Variants in GHR observed in about 807,000 individuals in gnomAD.
The protein encoded by GHR is growth hormone receptor.
Under a neutral mutation model 67.1 loss-of-function variants are expected in GHR, and 35 were observed. The ratio of observed to expected loss-of-function variants is 0.52; its 90% CI spans 0.40 to 0.69. The LOEUF is 0.69. GHR is among the 30% of genes least tolerant of loss of function. The pLI is 0.00. For missense variants in GHR, 792 were observed against 764.6 expected (o/e 1.04, Z -0.42); for synonymous variants, 272 against 269.1 (o/e 1.01, Z -0.10).
chr5:42,691,606 C>A lies in GHR; in HGVS notation c.266+2587C>A, dbSNP rs560961184. Among the ~76,000 whole-genome samples the A allele has an allele frequency of 1.1e-3, 161 of 152,314 alleles. 1 individual carries two copies. The highest frequency in any genetic ancestry group is 3.6e-3 in the African/African-American group (151 of 41,574). ...AATAAAACTCTGAGATGATTTTATC[C>A]AAAGTCAGAGTCAGTGGGCAGTGCA... On this transcript the variant is annotated intron_variant, in intron 4 of 9. Coordinates refer to ENST00000230882, the MANE Select transcript of GHR (RefSeq NM_000163.5).
At chr5:42,675,130 T>C (rs1756508697) in intron 3 of GHR, among the ~76,000 whole-genome samples, 1 of 152,246 alleles carries the variant, frequency 6.6e-6, no homozygotes, top group Non-Finnish European at 1.5e-5. Flanking sequence ...AGTATAATTG[T>C]CTTTGACATC....
At chr5:42,688,578 T>C (rs77585011) in intron 3 of GHR, among the ~76,000 whole-genome samples, 4,332 of 151,606 alleles carry the variant, frequency 0.029, 202 homozygotes, top group African/African-American at 0.1. Flanking sequence ...CCAGAAGTCA[T>C]CTTCCAGATG....
intron 1 of GHR, among the ~76,000 whole-genome samples, chr5:42,481,138 C>A (rs1745612870): frequency 6.6e-6 from 1 of 151,962 alleles, no homozygotes; most frequent in South Asian, 2.1e-4. Flanking sequence ...ATTTCTCCTT[C>A]ACTTATGAAG....
chr5:42,719,361 C>G lies in GHR; in HGVS notation c.1854C>G (p.Asp618Glu), dbSNP rs774176036. ...ATGCGACTGCCTTGCCCTTGCCTGA[C>G]AAAGAGTTTCTCTCATCATGTGGCT... ...ILNATALPLP[D>E]KEFLSSCGYV... Residue 618 changes from aspartate to glutamate, a missense_variant, in exon 10 of 10, where the codon GAC becomes GAG. Transcript: ENST00000230882. The G allele has an allele frequency of 6.2e-7, 1 of 1,614,004 alleles. No individual in the cohort carries two copies. The highest frequency in any genetic ancestry group is 8.5e-7 in the Non-Finnish European group (1 of 1,179,870).
chr5:42,667,014 T>G (rs540289734), intron 3 of GHR, among the ~76,000 whole-genome samples: 2 of 152,314 alleles, frequency 1.3e-5, no homozygotes, highest in East Asian at 3.9e-4. Flanking sequence ...AGAGCCATTC[T>G]AGAGCTTGGA....
chr5:42,445,070 C>G (rs1378804521), intron 1 of GHR, among the ~76,000 whole-genome samples: 8 of 152,152 alleles, frequency 5.3e-5, no homozygotes, highest in African/African-American at 1.9e-4. Context: ...TCAGAAAGAA[C>G]CTAACATACA....
intron 2 of GHR, among the ~76,000 whole-genome samples, chr5:42,569,825 A>T (rs933030187): frequency 9.2e-5 from 14 of 152,304 alleles, no homozygotes; most frequent in East Asian, 7.7e-4. Context: ...CATAATTGAC[A>T]TCACTCAAAT....
chr5:42,674,990 T>G (rs1359329969), intron 3 of GHR, among the ~76,000 whole-genome samples: 1 of 152,178 alleles, frequency 6.6e-6, no homozygotes, highest in East Asian at 1.9e-4. Flanking sequence ...TTTCTATTAC[T>G]TCACATCCTC....
At chr5:42,609,226 C>T (rs540527292) in intron 2 of GHR, among the ~76,000 whole-genome samples, 1 of 152,280 alleles carries the variant, frequency 6.6e-6, no homozygotes, top group Non-Finnish European at 1.5e-5. Flanking sequence ...AGCAATATTA[C>T]TAGTGCCATC....
At chr5:42,557,407 A>G (rs2112443481) in intron 1 of GHR, among the ~76,000 whole-genome samples, 1 of 152,342 alleles carries the variant, frequency 6.6e-6, no homozygotes, top group Non-Finnish European at 1.5e-5. Flanking sequence ...CCTACTCTCA[A>G]TATACCCCAT....
At chr5:42,622,066 C>T (rs1292374043) in intron 2 of GHR, among the ~76,000 whole-genome samples, 2 of 152,166 alleles carry the variant, frequency 1.3e-5, no homozygotes, top group Admixed American at 6.5e-5. Flanking sequence ...GCCTGGTGGA[C>T]TCAGTATGCC....
At chr5:42,450,897 T>C (rs1157012662) in intron 1 of GHR, among the ~76,000 whole-genome samples, 1 of 152,220 alleles carries the variant, frequency 6.6e-6, no homozygotes, top group Non-Finnish European at 1.5e-5. Flanking sequence ...CAAAGATCAT[T>C]CAAGAGCAGA....
chr5:42,644,866 C>T (rs1375264643), intron 3 of GHR, among the ~76,000 whole-genome samples: 2 of 151,640 alleles, frequency 1.3e-5, no homozygotes, highest in Non-Finnish European at 2.9e-5. Context: ...TAGAATAATC[C>T]CTCATGAACA....
intron 3 of GHR, among the ~76,000 whole-genome samples, chr5:42,678,694 A>G (rs1756687788): frequency 6.6e-6 from 1 of 152,124 alleles, no homozygotes; most frequent in Non-Finnish European, 1.5e-5. Flanking sequence ...GGAATTATAG[A>G]CCAACAATTT....
intron 5 of GHR, among the ~76,000 whole-genome samples, chr5:42,697,359 T>G (rs1757724137): frequency 6.6e-6 from 1 of 152,218 alleles, no homozygotes; most frequent in African/African-American, 2.4e-5. Context: ...TCTTCCCTGG[T>G]GGGATTTAAT....
At chr5:42,564,192 G>C (rs1022142149) in intron 1 of GHR, among the ~76,000 whole-genome samples, 1 of 99,542 alleles carries the variant, frequency 1.0e-5, no homozygotes, top group Non-Finnish European at 2.1e-5. Flanking sequence ...CAATGTGTGA[G>C]ATTTATTTGA....
At chr5:42,648,414 G>A (rs908611208) in intron 3 of GHR, among the ~76,000 whole-genome samples, 2 of 152,288 alleles carry the variant, frequency 1.3e-5, no homozygotes, top group Non-Finnish European at 1.5e-5. Context: ...GCATGTGAAC[G>A]CATGGATGTG....
At chr5:42,503,795 C>CT (rs35515771) in intron 1 of GHR, among the ~76,000 whole-genome samples, 39,648 of 150,982 alleles carry the variant, frequency 0.26, 5,575 homozygotes, top group African/African-American at 0.28. Flanking sequence ...AATTAGATGA[C>CT]TTTTTTTTTA....
chr5:42,526,565 C>A (rs981447256), intron 1 of GHR, among the ~76,000 whole-genome samples: 2 of 152,122 alleles, frequency 1.3e-5, no homozygotes, highest in Non-Finnish European at 2.9e-5. Context: ...AGATCTAAGA[C>A]TTTCATAGTT....
Sources: allele counts gnomAD v4.1 joint callset (sites outside exome capture counted in the v4.1 genomes callset), GRCh38; gene constraint gnomAD v4.1.1; transcripts MANE v1.5; gene names NCBI Gene and HGNC (gene_info 2026-07-23, HGNC 2026-07-21).